The following FAP variants were observed in gnomAD, a reference collection of about 807,000 sequenced individuals.
FAP encodes prolyl endopeptidase FAP.
A neutral mutation model predicts 126.5 loss-of-function variants in FAP; 110 were observed. The observed-to-expected ratio is 0.87, with a 90% CI of 0.74 to 1.02. FAP has a LOEUF of 1.02. FAP is among the 50% of genes least tolerant of loss of function. The pLI, the probability that FAP is intolerant of heterozygous loss-of-function variation, is 0.00. For synonymous variants in FAP, 334 were observed against 297.3 expected (o/e 1.12, Z -1.27); for missense variants, 919 against 909.2 (o/e 1.01, Z -0.14).
chr2:162,173,819 C>T lies in FAP; in HGVS notation c.1970-32G>A, dbSNP rs201689274. ...AATATATGAGAATATGCATTGTTTG[C>T]ATGTGATGAATGTCATTTCATTAAC... is the stretch of plus-strand genomic sequence containing the variant. On this transcript the variant is annotated intron_variant, in intron 22 of 25. Coordinates refer to ENST00000188790, the MANE Select transcript of FAP (RefSeq NM_004460.5). The T allele has an allele frequency of 4.7e-5, 64 of 1,370,584 alleles. No homozygotes were observed. In the East Asian group the frequency reaches 1.4e-3, roughly 29 times the overall value. 84.9% of individuals were successfully genotyped at this position (1,370,584 alleles called of 1,614,324 possible).
intron 16 of FAP, among the ~76,000 whole-genome samples, chr2:162,196,518 CTTTTTT>C (rs3051148): frequency 7.8e-6 from 1 of 127,732 alleles, no homozygotes; most frequent in Admixed American, 7.8e-5. Context: ...ACTTGCATAT[CTTTTTT>C]TTTTTTTTTT....
chr2:162,180,947 C>T (rs916039274), intron 21 of FAP, among the ~76,000 whole-genome samples: 2 of 151,988 alleles, frequency 1.3e-5, no homozygotes, highest in Non-Finnish European at 2.9e-5. Flanking sequence ...AGGGTCAAGG[C>T]GAGATCCAGA....
At chr2:162,216,040 C>T in intron 9 of FAP, 39 bp from the exon 10 acceptor site, 1 of 1,392,838 alleles carries the variant, frequency 7.2e-7, no homozygotes, top group Non-Finnish European at 1.0e-6. Flanking sequence ...CATAAAATTC[C>T]AATTATCACC....
In FAP at chr2:162,203,148, G is replaced by A; in HGVS notation, c.1048-3C>T. On this transcript the variant is annotated splice_polypyrimidine_tract_variant and splice_region_variant and intron_variant, in intron 12 of 25. Coordinates refer to ENST00000188790, the MANE Select transcript of FAP (RefSeq NM_004460.5). ...AAAACTGGTGTTGAAACAAAGAACTGAAAAAAATTAGCAGAGGTTATGTTC... is the reference window on the plus strand; with the variant it reads ...AAAACTGGTGTTGAAACAAAGAACTAAAAAAAATTAGCAGAGGTTATGTTC... 3 of 1,595,034 alleles carry A rather than the reference G, an allele frequency of 1.9e-6. No individual in the cohort carries two copies. The highest frequency in any genetic ancestry group is 2.2e-5 in the South Asian group (2 of 89,168).
chr2:162,225,611 T>A (rs1406709929), intron 3 of FAP, 34 bp from the exon 4 acceptor site: 3 of 1,554,268 alleles, frequency 1.9e-6, no homozygotes, highest in African/African-American at 1.4e-5. Flanking sequence ...ATGTAAATGA[T>A]CTCTCTTAAC....
At chr2:162,208,112 T>G (rs1019809701) in intron 12 of FAP, among the ~76,000 whole-genome samples, 1 of 151,424 alleles carries the variant, frequency 6.6e-6, no homozygotes, top group African/African-American at 2.4e-5. Context: ...AAAAATTAGC[T>G]GGGCGTGATG....
intron 1 of FAP, 63 bp from the exon 2 acceptor site, chr2:162,243,055 A>G (rs1690418523): frequency 2.2e-6 from 3 of 1,347,788 alleles, no homozygotes; most frequent in Non-Finnish European, 3.1e-6. Context: ...AAATGGCAAG[A>G]TTTTGTTTAC....
intron 17 of FAP, among the ~76,000 whole-genome samples, chr2:162,190,654 A>T (rs974636650): frequency 6.6e-6 from 1 of 152,112 alleles, no homozygotes; most frequent in East Asian, 1.9e-4. Context: ...TTAGCCTTTC[A>T]AATAATATGT....
chr2:162,192,092 T>C (rs1688069052), intron 17 of FAP, among the ~76,000 whole-genome samples: 1 of 152,096 alleles, frequency 6.6e-6, no homozygotes, highest in African/African-American at 2.4e-5. Flanking sequence ...CAAATGTTTA[T>C]CCTCTTTCAA....
chr2:162,232,968 T>A (rs1262460335), intron 2 of FAP, among the ~76,000 whole-genome samples: 2 of 152,152 alleles, frequency 1.3e-5, no homozygotes, highest in African/African-American at 4.8e-5. Flanking sequence ...TGGCTGTTAC[T>A]GCTTCTACAT....
chr2:162,223,199 G>A (rs980610660), intron 6 of FAP, among the ~76,000 whole-genome samples: 5 of 151,970 alleles, frequency 3.3e-5, no homozygotes, highest in East Asian at 1.9e-4. Context: ...AATGGAGTAC[G>A]TGTTCAGACA....
chr2:162,221,534 AAT>A (rs1553690714), intron 6 of FAP: 2 of 367,080 alleles, frequency 5.4e-6, no homozygotes, highest in South Asian at 2.1e-5. Flanking sequence ...CAAAAAAAAA[AAT>A]AAGAAGACAT....
At chr2:162,181,186 A>T (rs1201171795) in intron 21 of FAP, among the ~76,000 whole-genome samples, 1 of 151,966 alleles carries the variant, frequency 6.6e-6, no homozygotes, top group Non-Finnish European at 1.5e-5. Flanking sequence ...CTGAGGCGGG[A>T]GAATCGCTTG....
chr2:162,170,796 A>G lies in FAP; in HGVS notation c.*183T>C, dbSNP rs1687277309. On this transcript the variant is annotated 3_prime_UTR_variant, in exon 26 of 26. Coordinates refer to ENST00000188790, the MANE Select transcript of FAP (RefSeq NM_004460.5). ...TTCTCTTCTTTCACAGAGTACCAGA[A>G]AATGTAAACAATATTTAGCTTGAAC... The G allele has an allele frequency of 1.8e-6, 1 of 547,674 alleles. No individual in the cohort carries two copies. The highest frequency in any genetic ancestry group is 1.9e-5 in the African/African-American group (1 of 52,964). The allele number at this position is 547,674 out of a possible 1,614,324, so 33.9% of individuals were successfully genotyped here. A position where few individuals can be genotyped will look rare whatever the true frequency, so the allele number is the denominator to read the frequency against.
rs769978960 is a variant in FAP at position 162,210,048 on chromosome 2, CTA to C, written c.1003-54_1003-53del. 3.5e-4 allele frequency: 536 copies of C among 1,521,538 alleles called. 6 individuals carry two copies. In the South Asian group the frequency reaches 5.8e-3, roughly 16 times the overall value. The allele number at this position is 1,521,538 out of a possible 1,614,324, so 94.3% of individuals were successfully genotyped here. On this transcript the variant is annotated intron_variant, in intron 11 of 25. Coordinates refer to ENST00000188790, the MANE Select transcript of FAP (RefSeq NM_004460.5). ...ATAGTATTAGGAGAACATTTTTTTC[CTA>C]AATGTAATCTGGACATTTGGAAACA...
intron 2 of FAP, among the ~76,000 whole-genome samples, chr2:162,240,218 A>G (rs1252275538): frequency 1.3e-5 from 2 of 152,186 alleles, no homozygotes; most frequent in Non-Finnish European, 2.9e-5. Flanking sequence ...CTTTGGCAAA[A>G]CTAAAAAGGG....
In FAP at chr2:162,235,078, C is replaced by T. The variant is rs985328082; in HGVS notation, c.91+7830G>A. Among the ~76,000 whole-genome samples, 85 of 152,196 alleles carry T rather than the reference C, an allele frequency of 5.6e-4. 1 individual carries two copies. Among genetic ancestry groups the T allele is most frequent in the Middle Eastern group, 3.4e-3 (1 of 294 alleles). On this transcript the variant is annotated intron_variant, in intron 2 of 25. Transcript: ENST00000188790. ...TCGCCAGGCTTTAGCTGCCTCCCTG[C>T]GGGGCAGGGCTCGGGACCTGCAGCC...
Position 162,183,415 on chromosome 2 carries a change from C to A in FAP, c.1868G>T (p.Trp623Leu). ...IDEKRIAIWG[W>L]SYGGYVSSLA... ...CATAAAAAATATAAAACAACTCACC[C>A]AGCCCCATATGGCTATTCTTTTTTC... The change falls in exon 21 of 26, where the codon TGG becomes TTG. Residue 623 changes from tryptophan to leucine, a missense_variant and splice_region_variant. Transcript: ENST00000188790. 6.2e-7 allele frequency: 1 copy of A among 1,607,850 alleles called. No homozygotes were observed. Among genetic ancestry groups the A allele is most frequent in the Non-Finnish European group, 8.5e-7 (1 of 1,175,836 alleles).
intron 10 of FAP, 72 bp from the exon 11 acceptor site, chr2:162,214,145 G>A: frequency 6.8e-7 from 1 of 1,474,224 alleles, no homozygotes; most frequent in Non-Finnish European, 9.3e-7. Context: ...CTTAATTTTT[G>A]TTTTCTAAAG....
Sources: gnomAD v4.1 joint callset for allele counts (sites outside exome capture counted in the v4.1 genomes callset) on GRCh38, gnomAD v4.1.1 for gene constraint, MANE v1.5 for transcripts, NCBI Gene and HGNC (gene_info 2026-07-23, HGNC 2026-07-21) for gene names.